Variants in PAMR1 observed in about 807,000 individuals in gnomAD.
The protein encoded by PAMR1 is peptidase domain containing associated with muscle regeneration 1, also known as inactive serine protease PAMR1.
Under a neutral mutation model 81.8 loss-of-function variants are expected in PAMR1, and 88 were observed. That is an observed-to-expected ratio of 1.08 (90% confidence interval 0.91 to 1.28). PAMR1 has a LOEUF of 1.28. PAMR1 is among the 50% of genes most tolerant of loss of function. The pLI is 0.00. For synonymous variants in PAMR1, 336 were observed against 345.3 expected (o/e 0.97, Z 0.30); for missense variants, 935 against 919.7 (o/e 1.02, Z -0.21).
chr11:35,501,133 C>CTTTTTTTTTT (rs34831742), intron 1 of PAMR1, among the ~76,000 whole-genome samples: 1 of 135,592 alleles, frequency 7.4e-6, no homozygotes, highest in Non-Finnish European at 1.6e-5. Flanking sequence ...CTTTTTTTTT[C>CTTTTTTTTTT]TTTTTTTTTT....
intron 1 of PAMR1, among the ~76,000 whole-genome samples, chr11:35,515,938 A>G (rs1851155101): frequency 6.6e-6 from 1 of 152,346 alleles, no homozygotes; most frequent in Non-Finnish European, 1.5e-5. Flanking sequence ...TCGTCAAACT[A>G]TAGACGAAAA....
intron 1 of PAMR1, among the ~76,000 whole-genome samples, chr11:35,519,517 G>T (rs1353653608): frequency 6.6e-6 from 1 of 152,192 alleles, no homozygotes; most frequent in Non-Finnish European, 1.5e-5. Flanking sequence ...ATGGGACAAA[G>T]AAATTCTCAC....
chr11:35,481,823 T>C (rs977213140), intron 3 of PAMR1, among the ~76,000 whole-genome samples: 4 of 152,162 alleles, frequency 2.6e-5, no homozygotes, highest in Non-Finnish European at 4.4e-5. Context: ...TGCCTGGCCA[T>C]AAATGTCTTC....
In PAMR1 at chr11:35,441,470, T is replaced by A; in HGVS notation, c.1033+11A>T. The A allele has an allele frequency of 4.4e-6, 7 of 1,600,172 alleles. No individual in the cohort carries two copies. The highest frequency in any genetic ancestry group is 5.1e-6 in the Non-Finnish European group (6 of 1,169,452). Reference sequence around the variant, plus strand: ...CAATGTCCGTAGACTTCAGAAACAATTGTAAGTTACCTTTTATGCAGATGG... The same window carrying A: ...CAATGTCCGTAGACTTCAGAAACAAATGTAAGTTACCTTTTATGCAGATGG... On this transcript the variant is annotated intron_variant, in intron 7 of 10. Transcript: ENST00000619888.
intron 5 of PAMR1, 81 bp downstream of exon 5, chr11:35,470,520 G>A: frequency 9.4e-7 from 1 of 1,063,106 alleles, no homozygotes. Flanking sequence ...AAGGATGAGA[G>A]GAAGAAAGGA....
intron 7 of PAMR1, among the ~76,000 whole-genome samples, chr11:35,440,067 T>C (rs1161452998): frequency 6.6e-6 from 1 of 152,208 alleles, no homozygotes; most frequent in Non-Finnish European, 1.5e-5. Flanking sequence ...ACATGGGGAA[T>C]TAGAAGGTTC....
intron 1 of PAMR1, among the ~76,000 whole-genome samples, chr11:35,505,595 A>G (rs1300792649): frequency 1.3e-5 from 2 of 152,062 alleles, no homozygotes; most frequent in Admixed American, 6.6e-5. Context: ...TGACTTCTTC[A>G]TATTATATAG....
rs1312909582 is a variant in PAMR1 at position 35,486,099 on chromosome 11, A to C, written c.379+5946T>G. ...ATAAGAACCTAATAACATCATATTGATGTCTTCTTATGGTCAAGCACTGTT... is the reference window on the plus strand; with the variant it reads ...ATAAGAACCTAATAACATCATATTGCTGTCTTCTTATGGTCAAGCACTGTT... On this transcript the variant is annotated intron_variant, in intron 3 of 10. Coordinates refer to ENST00000619888, the MANE Select transcript of PAMR1 (RefSeq NM_001001991.3). Among the ~76,000 whole-genome samples, 5 of 152,238 alleles carry C rather than the reference A, an allele frequency of 3.3e-5. No homozygotes were observed. The South Asian group carries it at 1.0e-3, about 32-fold the overall frequency.
At chr11:35,467,163 C>T (rs1444047799) in intron 6 of PAMR1, among the ~76,000 whole-genome samples, 1 of 152,120 alleles carries the variant, frequency 6.6e-6, no homozygotes, top group Non-Finnish European at 1.5e-5. Flanking sequence ...AATGTACATT[C>T]CAGATCTCAT....
intron 1 of PAMR1, among the ~76,000 whole-genome samples, chr11:35,513,136 A>G (rs542843837): frequency 3.9e-5 from 6 of 152,348 alleles, no homozygotes; most frequent in Non-Finnish European, 8.8e-5. Context: ...ACACCAAAGG[A>G]AAGTTTAGGG....
At chr11:35,526,834 C>G (rs1334941440), upstream of PAMR1, among the ~76,000 whole-genome samples, 1 of 152,076 alleles carries the variant, frequency 6.6e-6, no homozygotes, top group African/African-American at 2.4e-5. Context: ...TGGGAGGGAC[C>G]AGGTGGAGAT....
chr11:35,471,520 A>C lies in PAMR1; in HGVS notation c.495-702T>G, dbSNP rs117985927. On this transcript the variant is annotated intron_variant, in intron 4 of 10. Transcript: ENST00000619888. ...AAGGGGAAAACAACAACAACAACAA[A>C]AAAAACCTCTGCACACTCTTCCGTT... Among the ~76,000 whole-genome samples the C allele has an allele frequency of 4.9e-3, 748 of 152,252 alleles. 6 individuals carry two copies. Among genetic ancestry groups the C allele is most frequent in the African/African-American group, 0.015 (637 of 41,554 alleles).
At chr11:35,482,577 G>A (rs1850416605) in intron 3 of PAMR1, among the ~76,000 whole-genome samples, 1 of 152,192 alleles carries the variant, frequency 6.6e-6, no homozygotes, top group African/African-American at 2.4e-5. Context: ...TGTGAAGAAT[G>A]TCAATGATAG....
At chr11:35,498,850 C>T (rs1354342249) in intron 1 of PAMR1, among the ~76,000 whole-genome samples, 1 of 152,216 alleles carries the variant, frequency 6.6e-6, no homozygotes, top group Non-Finnish European at 1.5e-5. Flanking sequence ...TGGCCTTCCC[C>T]TCCAAAATGC....
intron 3 of PAMR1, among the ~76,000 whole-genome samples, chr11:35,484,818 C>G (rs1850468328): frequency 1.3e-5 from 2 of 152,190 alleles, no homozygotes; most frequent in South Asian, 4.1e-4. Flanking sequence ...TTCTGGGTCG[C>G]TCTTGGGCCC....
At chr11:35,442,513 T>C (rs544430458) in intron 6 of PAMR1, among the ~76,000 whole-genome samples, 8 of 152,348 alleles carry the variant, frequency 5.3e-5, no homozygotes, top group African/African-American at 1.7e-4. Flanking sequence ...CGAGCTCCCA[T>C]AGAATTCAAA....
chr11:35,453,584 G>A (rs917498051), intron 6 of PAMR1, among the ~76,000 whole-genome samples: 1 of 152,174 alleles, frequency 6.6e-6, no homozygotes, highest in Non-Finnish European at 1.5e-5. Flanking sequence ...ACATCTACCT[G>A]GTGGGTACAT....
chr11:35,523,081 C>T (rs1851312041), intron 1 of PAMR1, among the ~76,000 whole-genome samples: 1 of 152,168 alleles, frequency 6.6e-6, no homozygotes, highest in East Asian at 1.9e-4. Flanking sequence ...GGGGAACACC[C>T]TCTTCATGAT....
intron 1 of PAMR1, among the ~76,000 whole-genome samples, chr11:35,503,722 T>A (rs1222307729): frequency 6.6e-6 from 1 of 152,144 alleles, no homozygotes. Context: ...GATTTGTATT[T>A]TATGACTTTA....
Sources: gnomAD v4.1 joint callset for allele counts (sites outside exome capture counted in the v4.1 genomes callset) on GRCh38, gnomAD v4.1.1 for gene constraint, MANE v1.5 for transcripts, NCBI Gene and HGNC (gene_info 2026-07-23, HGNC 2026-07-21) for gene names.